EHMT1: variants seen among roughly 807,000 people sequenced by gnomAD.
EHMT1 encodes histone-lysine N-methyltransferase EHMT1.
A neutral mutation model predicts 147.2 loss-of-function variants in EHMT1; 15 were observed. The observed-to-expected ratio is 0.10, with a 90% CI of 0.07 to 0.16. EHMT1 has a LOEUF of 0.16. Ranked by LOEUF, EHMT1 falls within the 10% of genes least tolerant of loss-of-function variation. The probability of loss-of-function intolerance (pLI) is 1.00; values close to 1 mark genes in which losing one functional copy is unlikely to be tolerated. For synonymous variants in EHMT1, 795 were observed against 709.6 expected (o/e 1.12, Z -1.91); for missense variants, 1,587 against 1,772.4 (o/e 0.90, Z 1.88).
chr9:137,705,317 A>T (rs567702951), intron 1 of EHMT1, among the ~76,000 whole-genome samples: 202 of 152,322 alleles, frequency 1.3e-3, no homozygotes, highest in Middle Eastern at 6.8e-3. Flanking sequence ...CTTGCGTTTG[A>T]AAGTTGGACA....
At position 137,636,129 on chromosome 9, in the gene EHMT1, C is replaced by T. The variant is rs557625141; in HGVS notation, c.21+17080C>T. ...TAGAGATGGGGTTTCACCATTTTGGCCAGGCTGATCTTGAACTCCTGACCT... is the reference window on the plus strand; with the variant it reads ...TAGAGATGGGGTTTCACCATTTTGGTCAGGCTGATCTTGAACTCCTGACCT... On this transcript the variant is annotated intron_variant, in intron 1 of 26. Coordinates refer to ENST00000460843, the MANE Select transcript of EHMT1 (RefSeq NM_024757.5). 5.1e-4 allele frequency among the ~76,000 whole-genome samples: 77 copies of T among 152,140 alleles called. 1 individual carries two copies. Among genetic ancestry groups the T allele is most frequent in the African/African-American group, 1.8e-3 (74 of 41,530 alleles).
At chr9:137,778,258 C>G (rs894339023) in intron 13 of EHMT1, among the ~76,000 whole-genome samples, 2 of 152,202 alleles carry the variant, frequency 1.3e-5, no homozygotes, top group Non-Finnish European at 2.9e-5. Context: ...ACCTCTGACA[C>G]CTTTGAAGTC....
At chr9:137,754,462 G>C (rs141478959) in intron 8 of EHMT1, among the ~76,000 whole-genome samples, 171 bp downstream of exon 8, 41 of 152,238 alleles carry the variant, frequency 2.7e-4, no homozygotes, top group African/African-American at 9.4e-4. Flanking sequence ...TTCTAAAGTA[G>C]TTTCCTTCTG....
intron 2 of EHMT1, chr9:137,715,570 G>C (rs528204543): frequency 5.0e-5 from 49 of 985,450 alleles, no homozygotes. Flanking sequence ...TCTCAGGCTT[G>C]ACTGAGCTCC....
At chr9:137,666,835 GT>G (rs1345063610) in intron 1 of EHMT1, among the ~76,000 whole-genome samples, 71 of 152,218 alleles carry the variant, frequency 4.7e-4, no homozygotes, top group Non-Finnish European at 1.5e-5. Flanking sequence ...AAAATAAGAC[GT>G]TGCTCAAGCA....
chr9:137,666,567 G>A (rs1939676524), intron 1 of EHMT1, among the ~76,000 whole-genome samples: 1 of 152,224 alleles, frequency 6.6e-6, no homozygotes, highest in Admixed American at 6.5e-5. Context: ...GCCGTGCCAC[G>A]GTGCAGCTGG....
At chr9:137,651,239 C>G (rs982203063) in intron 1 of EHMT1, among the ~76,000 whole-genome samples, 4 of 152,160 alleles carry the variant, frequency 2.6e-5, no homozygotes, top group Admixed American at 1.3e-4. Context: ...TCCTTTGAAG[C>G]ACAAACATTT....
At chr9:137,772,128 A>G (rs1950626299) in intron 10 of EHMT1, among the ~76,000 whole-genome samples, 1 of 152,118 alleles carries the variant, frequency 6.6e-6, no homozygotes, top group Admixed American at 6.5e-5. Context: ...TATATGAAGT[A>G]TGATTTGTTA....
intron 1 of EHMT1, among the ~76,000 whole-genome samples, chr9:137,671,671 T>C (rs747822997): frequency 3.9e-5 from 6 of 151,974 alleles, no homozygotes; most frequent in Non-Finnish European, 7.4e-5. Context: ...ACTACAGGCG[T>C]GTGCCACCAT....
At chr9:137,695,459 C>T (rs754434141) in intron 1 of EHMT1, among the ~76,000 whole-genome samples, 75 of 152,220 alleles carry the variant, frequency 4.9e-4, no homozygotes, top group Non-Finnish European at 8.4e-4. Flanking sequence ...AGGGACTGCA[C>T]TGCCCTGAAA....
At chr9:137,744,146 G>A in intron 6 of EHMT1, 56 bp downstream of exon 6, 6 of 1,602,262 alleles carry the variant, frequency 3.7e-6, no homozygotes, top group East Asian at 2.2e-5. Flanking sequence ...AAAGTTGGCC[G>A]TGGTTCTGAA....
chr9:137,756,430 C>G (rs1260853566), intron 8 of EHMT1, among the ~76,000 whole-genome samples: 2 of 152,172 alleles, frequency 1.3e-5, no homozygotes. Flanking sequence ...AATCTAGATT[C>G]CCCAATGTAG....
intron 3 of EHMT1, among the ~76,000 whole-genome samples, chr9:137,720,827 C>A (rs1945872070): frequency 6.6e-6 from 1 of 152,058 alleles, no homozygotes. Flanking sequence ...GGGGCATTTA[C>A]GTACACGTTT....
intron 1 of EHMT1, among the ~76,000 whole-genome samples, chr9:137,649,360 C>T (rs563261666): frequency 2.0e-5 from 3 of 151,994 alleles, no homozygotes; most frequent in East Asian, 1.9e-4. Flanking sequence ...CTGCGGAGGC[C>T]GAGGCAGGAG....
chr9:137,715,618 C>T (rs1395172896), intron 2 of EHMT1: 4 of 985,324 alleles, frequency 4.1e-6, no homozygotes, highest in Admixed American at 6.1e-5. Flanking sequence ...CTTCCTGCCT[C>T]AGCCTGTCCT....
intron 1 of EHMT1, among the ~76,000 whole-genome samples, chr9:137,697,993 A>G (rs1943533065): frequency 6.7e-6 from 1 of 148,942 alleles, no homozygotes; most frequent in Admixed American, 6.7e-5. Context: ...TTGTGAGGGC[A>G]GCGTGTGAGG....
intron 16 of EHMT1, chr9:137,792,052 C>T: frequency 2.2e-6 from 1 of 462,462 alleles, no homozygotes; most frequent in South Asian, 1.6e-5. Context: ...TTTTTTTTTA[C>T]AGATACAGAA....
At chr9:137,833,509 TC>T (rs1956367972) in intron 25 of EHMT1, among the ~76,000 whole-genome samples, 1 of 152,150 alleles carries the variant, frequency 6.6e-6, no homozygotes, top group Non-Finnish European at 1.5e-5. Context: ...CCTACCTTAC[TC>T]CCACGCAGCT....
chr9:137,829,642 C>T (rs1181291632), intron 25 of EHMT1, among the ~76,000 whole-genome samples: 1 of 152,264 alleles, frequency 6.6e-6, no homozygotes, highest in Non-Finnish European at 1.5e-5. Context: ...ATACTTGGCA[C>T]ATCCCAGAAG....
Sources: allele counts gnomAD v4.1 joint callset (sites outside exome capture counted in the v4.1 genomes callset), GRCh38; gene constraint gnomAD v4.1.1; transcripts MANE v1.5; gene names NCBI Gene and HGNC (gene_info 2026-07-23, HGNC 2026-07-21).